SPATA6: variants seen among roughly 807,000 people sequenced by gnomAD.
The protein encoded by SPATA6 is spermatogenesis associated 6.
SPATA6 carries 56 observed loss-of-function variants against 65.3 expected under a neutral mutation model. That is an observed-to-expected ratio of 0.86 (90% CI 0.69 to 1.07). The LOEUF (loss-of-function observed/expected upper bound fraction) is 1.07. SPATA6 is among the 50% of genes least tolerant of loss of function. The pLI, the probability that SPATA6 is intolerant of heterozygous loss-of-function variation, is 0.00. For missense variants in SPATA6, 590 were observed against 594.8 expected (o/e 0.99, Z 0.08); for synonymous variants, 199 against 213.2 (o/e 0.93, Z 0.58).
chr1:48,469,443 C>T (rs1658058705), intron 1 of SPATA6, among the ~76,000 whole-genome samples: 2 of 145,130 alleles, frequency 1.4e-5, no homozygotes, highest in South Asian at 4.4e-4. Context: ...AGTTTATACG[C>T]TACCTATTTC....
chr1:48,381,436 T>C (rs1648566479), intron 9 of SPATA6, among the ~76,000 whole-genome samples: 1 of 152,280 alleles, frequency 6.6e-6, no homozygotes, highest in East Asian at 1.9e-4. Context: ...TAGATGATTC[T>C]GTCACTGGTA....
At chr1:48,369,797 C>G (rs987909867) in intron 9 of SPATA6, among the ~76,000 whole-genome samples, 1 of 152,216 alleles carries the variant, frequency 6.6e-6, no homozygotes, top group Non-Finnish European at 1.5e-5. Flanking sequence ...CCTGCACCCA[C>G]TGTCTGGCAC....
At position 48,359,701 on chromosome 1, in the gene SPATA6, T is replaced by C. The variant is rs201051606; in HGVS notation, c.979A>G (p.Arg327Gly). The C allele has an allele frequency of 2.9e-5, 46 of 1,613,650 alleles. No individual in the cohort carries two copies. The highest frequency in any genetic ancestry group is 3.2e-5 in the Non-Finnish European group (38 of 1,179,844). The part of the protein sequence containing the change: ...LEKCEEYLSP[R>G]SCSKPRHSAR... Reference sequence around the variant, plus strand: ...GAATGCCGGGGCTTACTACACGACCTTGGGCTCAAATACTCTTCACATTTT... The same window carrying C: ...GAATGCCGGGGCTTACTACACGACCCTGGGCTCAAATACTCTTCACATTTT... The change falls in exon 10 of 13, where the codon AGG (arginine) becomes GGG (glycine). Residue 327 changes from arginine (R) to glycine (G), a missense_variant. Arg to Gly is a moderately radical substitution (Grantham distance 125). Coordinates refer to ENST00000371847, the MANE Select transcript of SPATA6 (RefSeq NM_019073.4).
intron 3 of SPATA6, among the ~76,000 whole-genome samples, chr1:48,437,893 T>C (rs1399084012): frequency 9.1e-6 from 1 of 110,412 alleles, no homozygotes; most frequent in Non-Finnish European, 2.3e-5. Context: ...ATATACTGAA[T>C]TGAGAAAAAA....
At chr1:48,454,981 T>C (rs1656890657) in intron 1 of SPATA6, among the ~76,000 whole-genome samples, 1 of 152,212 alleles carries the variant, frequency 6.6e-6, no homozygotes, top group South Asian at 2.1e-4. Context: ...ACTAATTATC[T>C]TCTCTGCCAG....
chr1:48,367,692 C>A (rs1647071518), intron 9 of SPATA6, among the ~76,000 whole-genome samples: 1 of 152,136 alleles, frequency 6.6e-6, no homozygotes, highest in Admixed American at 6.6e-5. Flanking sequence ...ATGTGTGTCT[C>A]TGCACATGAG....
chr1:48,283,697 A>AAAAAAAAAAAAAAAGAAAGAAAGAAAG, the SPATA6 span, among the ~76,000 whole-genome samples: 1 of 12,002 alleles, frequency 8.3e-5, no homozygotes, highest in Non-Finnish European at 2.3e-4. Context: ...AAAAAAAAAA[A>AAAAAAAAAAAAAAAGAAAGAAAGAAAG]AAAGAAAGAA....
At chr1:48,471,417 T>C (rs374996871) in intron 1 of SPATA6, among the ~76,000 whole-genome samples, 28 of 152,242 alleles carry the variant, frequency 1.8e-4, no homozygotes, top group East Asian at 7.7e-4. Flanking sequence ...GCAAGGTACT[T>C]TGCGCAATGA....
At chr1:48,471,878 G>C in intron 1 of SPATA6, 80 bp downstream of exon 1, 1 of 1,512,374 alleles carries the variant, frequency 6.6e-7, no homozygotes, top group Non-Finnish European at 9.1e-7. Flanking sequence ...GGAGGTTTGG[G>C]GGTGGTTCCG....
At chr1:48,291,627 G>A (rs997979766), downstream of SPATA6, among the ~76,000 whole-genome samples, 4 of 152,196 alleles carry the variant, frequency 2.6e-5, no homozygotes, top group African/African-American at 9.7e-5. Flanking sequence ...TTTATTTCCA[G>A]GCAGCCAGTG....
At chr1:48,437,254 T>C in intron 3 of SPATA6, 1 of 1,599,618 alleles carries the variant, frequency 6.3e-7, no homozygotes, top group Non-Finnish European at 8.5e-7. Context: ...TCCTATATAC[T>C]TGACACTTTC....
intron 3 of SPATA6, among the ~76,000 whole-genome samples, chr1:48,429,709 C>T (rs1654226455): frequency 6.6e-6 from 1 of 151,754 alleles, no homozygotes; most frequent in Non-Finnish European, 1.5e-5. Context: ...AAATCACTGT[C>T]AAAGAGATGC....
At chr1:48,314,263 T>A (rs1333251150) in intron 11 of SPATA6, among the ~76,000 whole-genome samples, 22 of 152,176 alleles carry the variant, frequency 1.4e-4, no homozygotes, top group African/African-American at 5.3e-4. Context: ...ACACCACACC[T>A]ATTCCAAAAC....
intron 11 of SPATA6, among the ~76,000 whole-genome samples, chr1:48,317,005 C>T (rs1235417081): frequency 6.6e-6 from 1 of 152,102 alleles, no homozygotes; most frequent in African/African-American, 2.4e-5. Context: ...GTTAGAATGG[C>T]AATCATTAAA....
At chr1:48,366,705 G>A (rs1314821013) in intron 9 of SPATA6, among the ~76,000 whole-genome samples, 1 of 151,858 alleles carries the variant, frequency 6.6e-6, no homozygotes, top group Non-Finnish European at 1.5e-5. Context: ...TATTAATGTT[G>A]CTAGCGGTCT....
intron 3 of SPATA6, among the ~76,000 whole-genome samples, chr1:48,435,280 T>C (rs1301442269): frequency 1.3e-5 from 2 of 152,172 alleles, no homozygotes; most frequent in African/African-American, 4.8e-5. Flanking sequence ...GGATTGTAAA[T>C]GCACCAAGCA....
intron 1 of SPATA6, among the ~76,000 whole-genome samples, chr1:48,466,607 T>C (rs1156876560): frequency 6.6e-6 from 1 of 151,926 alleles, no homozygotes; most frequent in East Asian, 1.9e-4. Flanking sequence ...GCAGCAAACA[T>C]GTAAAATTTA....
At chr1:48,420,903 G>A (rs1653263633) in intron 3 of SPATA6, among the ~76,000 whole-genome samples, 1 of 152,126 alleles carries the variant, frequency 6.6e-6, no homozygotes, top group Non-Finnish European at 1.5e-5. Flanking sequence ...CATAAACCTA[G>A]AGGACATTAT....
chr1:48,311,544 G>A (rs143779452), intron 11 of SPATA6, among the ~76,000 whole-genome samples: 6 of 152,232 alleles, frequency 3.9e-5, no homozygotes, highest in African/African-American at 1.2e-4. Context: ...AATAAAGAAA[G>A]AGAGTGAATT....
Sources: gnomAD v4.1 joint callset for allele counts (sites outside exome capture counted in the v4.1 genomes callset) on GRCh38, gnomAD v4.1.1 for gene constraint, MANE v1.5 for transcripts, NCBI Gene and HGNC (gene_info 2026-07-23, HGNC 2026-07-21) for gene names.